Variants in CDK12 observed in about 807,000 individuals in gnomAD.
CDK12 encodes cyclin dependent kinase 12.
CDK12 carries 17 observed loss-of-function variants against 133.8 expected under a neutral mutation model. The observed-to-expected ratio is 0.13, with a 90% CI of 0.09 to 0.19. The LOEUF (loss-of-function observed/expected upper bound fraction) is 0.19. Among genes scored for constraint, CDK12 ranks in the 10% least tolerant of loss-of-function variants. The pLI is 1.00. For synonymous variants in CDK12, 694 were observed against 683.6 expected (o/e 1.02, Z -0.24); for missense variants, 1,508 against 1,818.7 (o/e 0.83, Z 3.11).
At chr17:39,474,998 C>G (rs1004283239) in intron 2 of CDK12, among the ~76,000 whole-genome samples, 2 of 151,666 alleles carry the variant, frequency 1.3e-5, no homozygotes, top group African/African-American at 4.8e-5. Context: ...CCATGCCTGG[C>G]TAATTTTTGT....
At chr17:39,520,753 C>T (rs1029051582) in intron 11 of CDK12, among the ~76,000 whole-genome samples, 4 of 150,998 alleles carry the variant, frequency 2.6e-5, no homozygotes, top group East Asian at 2.0e-4. Context: ...CTCCACCTCC[C>T]GGGTTCTAGC....
chr17:39,495,278 A>G (rs62077462), intron 5 of CDK12, among the ~76,000 whole-genome samples: 2,889 of 144,256 alleles, frequency 0.02, 48 homozygotes, highest in Non-Finnish European at 0.03. Flanking sequence ...AGGTTTCGCT[A>G]TGTTCGTCGA....
chr17:39,484,946 G>A (rs1333747340), intron 2 of CDK12, among the ~76,000 whole-genome samples: 1 of 151,992 alleles, frequency 6.6e-6, no homozygotes, highest in Non-Finnish European at 1.5e-5. Flanking sequence ...CGAGGCGGGC[G>A]GATCACGAGG....
intron 1 of CDK12, among the ~76,000 whole-genome samples, chr17:39,467,069 C>T (rs994118048): frequency 6.6e-6 from 1 of 152,074 alleles, no homozygotes; most frequent in Non-Finnish European, 1.5e-5. Flanking sequence ...ACCTCCGCCT[C>T]CCAGGTTCAA....
intron 9 of CDK12, among the ~76,000 whole-genome samples, chr17:39,516,322 A>G (rs1217862282): frequency 6.6e-6 from 1 of 152,048 alleles, no homozygotes; most frequent in East Asian, 1.9e-4. Context: ...GTTTTTTTCA[A>G]TAAAATTAAA....
At chr17:39,489,004 T>G (rs922886052) in intron 2 of CDK12, among the ~76,000 whole-genome samples, 1 of 151,490 alleles carries the variant, frequency 6.6e-6, no homozygotes, top group Non-Finnish European at 1.5e-5. Context: ...CACTGCAACC[T>G]CCTCCTCCTA....
upstream of CDK12, among the ~76,000 whole-genome samples, chr17:39,543,636 C>T (rs548281566): frequency 9.2e-5 from 14 of 152,282 alleles, no homozygotes; most frequent in African/African-American, 3.1e-4. Flanking sequence ...ATATCCTTTA[C>T]GTTTTGTTCA....
intron 1 of CDK12, among the ~76,000 whole-genome samples, chr17:39,467,783 C>T (rs1026493283): frequency 3.9e-5 from 6 of 152,068 alleles, no homozygotes; most frequent in African/African-American, 1.4e-4. Flanking sequence ...TGTTAGTTTT[C>T]TTAAGGGTAA....
chr17:39,490,916 C>T (rs963342961), intron 3 of CDK12, among the ~76,000 whole-genome samples, 183 bp downstream of exon 3: 1 of 152,118 alleles, frequency 6.6e-6, no homozygotes, highest in African/African-American at 2.4e-5. Context: ...CATCTATGCC[C>T]TCAGATACCC....
chr17:39,537,752 CAG>C (rs1353417291), downstream of CDK12, among the ~76,000 whole-genome samples: 1 of 151,804 alleles, frequency 6.6e-6, no homozygotes, highest in Non-Finnish European at 1.5e-5. Flanking sequence ...TTAGTAGTGA[CAG>C]GGTTTCACCA....
At chr17:39,479,139 T>C (rs896445438) in intron 2 of CDK12, among the ~76,000 whole-genome samples, 17 of 151,944 alleles carry the variant, frequency 1.1e-4, no homozygotes, top group Middle Eastern at 6.8e-3. Flanking sequence ...AAACCCCGTC[T>C]CTACTAAAAA....
rs760570463 is a variant in CDK12, at chr17:39,515,788, G to A, written c.2826G>A (p.Leu942=). The change falls in exon 9 of 14, where the codon CTG becomes CTA. Residue 942 remains leucine, a synonymous_variant. Transcript: ENST00000447079. ...CTATTTTTCAAGCCAATCTGGAACT[G>A]GCTCAGCTAGAACTGATCAGGTACA... ...KKPIFQANLE[L]AQLELISRLC... The A allele has an allele frequency of 1.9e-6, 3 of 1,613,120 alleles. No individual in the cohort carries two copies. The highest frequency in any genetic ancestry group is 2.5e-6 in the Non-Finnish European group (3 of 1,179,400).
In CDK12 at chr17:39,462,202, G is replaced by T. The variant is rs1381858873; in HGVS notation, c.131G>T (p.Arg44Leu). Residue 44 changes from arginine to leucine, a missense_variant, in exon 1 of 14, where the codon CGG (arginine) becomes CTG (leucine). Physicochemically the swap from Arg to Leu is moderately radical, Grantham distance 102. This residue lies in a region of CDK12 where 460 missense variants were observed against 490.8 expected (regional missense o/e 0.94). Coordinates refer to ENST00000447079, the MANE Select transcript of CDK12 (RefSeq NM_016507.4). The part of the protein sequence containing the change: ...ERHRLVSKHK[R>L]HKSKHSKDMG... Reference sequence around the variant, plus strand: ...CACCGCTTGGTATCGAAGCACAAGCGGCATAAGTCCAAACACTCCAAAGAC... The same window carrying T: ...CACCGCTTGGTATCGAAGCACAAGCTGCATAAGTCCAAACACTCCAAAGAC... 1.2e-6 allele frequency: 2 copies of T among 1,614,080 alleles called. No individual in the cohort carries two copies. Among genetic ancestry groups the T allele is most frequent in the Admixed American group, 1.7e-5 (1 of 59,996 alleles).
intron 1 of CDK12, among the ~76,000 whole-genome samples, chr17:39,464,658 C>T (rs2049168825): frequency 6.6e-6 from 1 of 151,968 alleles, no homozygotes; most frequent in Non-Finnish European, 1.5e-5. Context: ...GTTTCCTCCT[C>T]CATTTTATTA....
At chr17:39,467,201 T>C (rs954528056) in intron 1 of CDK12, among the ~76,000 whole-genome samples, 2 of 151,962 alleles carry the variant, frequency 1.3e-5, no homozygotes, top group African/African-American at 4.8e-5. Context: ...ATGGTCTTGA[T>C]CTCTTGACCT....
At chr17:39,542,603 C>T (rs550058013) in intron 1 of CDK12, among the ~76,000 whole-genome samples, 71 of 151,602 alleles carry the variant, frequency 4.7e-4, no homozygotes, top group African/African-American at 1.6e-3. Context: ...TCTGGCCTCC[C>T]GGGTTTGAGC....
chr17:39,490,865 A>G, intron 3 of CDK12, 132 bp downstream of exon 3: 1 of 582,498 alleles, frequency 1.7e-6, no homozygotes. Context: ...TTTTAATTTT[A>G]TTTTAATGGA....
At chr17:39,496,071 C>T (rs1219538976) in intron 5 of CDK12, among the ~76,000 whole-genome samples, 1 of 151,772 alleles carries the variant, frequency 6.6e-6, no homozygotes. Flanking sequence ...GCCACCACTC[C>T]CGGCTAATTT....
At chr17:39,519,195 G>T (rs1449486723) in intron 10 of CDK12, among the ~76,000 whole-genome samples, 1 of 151,630 alleles carries the variant, frequency 6.6e-6, no homozygotes, top group Non-Finnish European at 1.5e-5. Context: ...GAGCTACTGT[G>T]CCCGGCCCAG....
Sources: gnomAD v4.1 joint callset for allele counts (sites outside exome capture counted in the v4.1 genomes callset) on GRCh38, gnomAD v4.1.1 for gene constraint, gnomAD v4.1.1 regional missense constraint, MANE v1.5 for transcripts, NCBI Gene and HGNC (gene_info 2026-07-23, HGNC 2026-07-21) for gene names.